EPB41L4A: variants seen among roughly 807,000 people sequenced by gnomAD.
EPB41L4A encodes band 4.1-like protein 4A.
EPB41L4A carries 100 observed loss-of-function variants against 108.6 expected under a neutral mutation model. That is an observed-to-expected ratio of 0.92 (90% CI 0.78 to 1.09). EPB41L4A has a LOEUF of 1.09. Among genes scored for constraint, EPB41L4A ranks in the 50% least tolerant of loss-of-function variants. The probability of loss-of-function intolerance (pLI) is 0.00; values close to 1 mark genes in which losing one functional copy is unlikely to be tolerated. For missense variants in EPB41L4A, 1,030 were observed against 842.7 expected (o/e 1.22, Z -2.75); for synonymous variants, 319 against 289.0 (o/e 1.10, Z -1.05).
At chr5:112,375,463 A>C (rs1759761356) in intron 1 of EPB41L4A, among the ~76,000 whole-genome samples, 1 of 152,188 alleles carries the variant, frequency 6.6e-6, no homozygotes, top group Non-Finnish European at 1.5e-5. Context: ...GAAAAAAATC[A>C]CACCAAGAAC....
rs145454409 is a variant in EPB41L4A at position 112,201,973 on chromosome 5, G to A, written c.1376+2402C>T. Among the ~76,000 whole-genome samples the A allele has an allele frequency of 2.8e-3, 425 of 152,212 alleles. 3 individuals carry two copies. Among genetic ancestry groups the A allele is most frequent in the African/African-American group, 9.5e-3 (395 of 41,540 alleles). ...GCTGAATATTTTTCATTGGTACTCA[G>A]CCTCTACTGACTCATCTATAATCTA... On this transcript the variant is annotated intron_variant, in intron 15 of 22. Transcript: ENST00000261486.
At position 112,238,280 on chromosome 5, in the gene EPB41L4A, C is replaced by G. The variant is rs562714329; in HGVS notation, c.965+1380G>C. 4.6e-5 allele frequency among the ~76,000 whole-genome samples: 7 copies of G among 152,256 alleles called. No individual in the cohort carries two copies. In the East Asian group the frequency reaches 1.3e-3, roughly 29 times the overall value. On this transcript the variant is annotated intron_variant, in intron 11 of 22. Coordinates refer to ENST00000261486, the MANE Select transcript of EPB41L4A (RefSeq NM_022140.5). The stretch of plus-strand genomic sequence containing the variant: ...AATGTAAACAATACTTCCTTAAATT[C>G]TTCATAATTGTATCACTGTCTACAG...
chr5:112,209,554 CTTTA>C lies in EPB41L4A; in HGVS notation c.1178+334_1178+337del, dbSNP rs535256130. Among the ~76,000 whole-genome samples the C allele has an allele frequency of 2.9e-3, 447 of 152,344 alleles. 2 individuals are homozygous for C. Among genetic ancestry groups the C allele is most frequent in the Middle Eastern group, 6.8e-3 (2 of 294 alleles). ...GTACATTAAACATGAATATCATCTA[CTTTA>C]TTTTACAAGTCCCTCTGAGTTAGTC... is the stretch of plus-strand genomic sequence containing the variant. On this transcript the variant is annotated intron_variant, in intron 13 of 22. Coordinates refer to ENST00000261486, the MANE Select transcript of EPB41L4A (RefSeq NM_022140.5).
intron 12 of EPB41L4A, among the ~76,000 whole-genome samples, chr5:112,234,316 A>G (rs1313970889): frequency 2.0e-5 from 3 of 151,872 alleles, no homozygotes; most frequent in African/African-American, 7.2e-5. Context: ...CAGGAGGTCA[A>G]GGCAGCAGTG....
intron 13 of EPB41L4A, among the ~76,000 whole-genome samples, chr5:112,206,602 G>T (rs1481415408): frequency 1.3e-5 from 2 of 152,160 alleles, no homozygotes; most frequent in East Asian, 1.9e-4. Flanking sequence ...AGTAGAAAGT[G>T]TATGGGATCA....
intron 12 of EPB41L4A, among the ~76,000 whole-genome samples, chr5:112,150,662 T>C (rs1052102808): frequency 2.0e-5 from 3 of 152,106 alleles, no homozygotes; most frequent in African/African-American, 7.2e-5. Context: ...AAAATTCAGA[T>C]CATCCAAGAA....
chr5:112,311,779 T>C (rs1350649594), intron 1 of EPB41L4A, among the ~76,000 whole-genome samples: 1 of 152,202 alleles, frequency 6.6e-6, no homozygotes, highest in Non-Finnish European at 1.5e-5. Context: ...ACACACACCT[T>C]TCCTCTTACT....
intron 1 of EPB41L4A, among the ~76,000 whole-genome samples, chr5:112,366,267 A>T (rs1759113565): frequency 6.6e-6 from 1 of 150,686 alleles, no homozygotes; most frequent in Admixed American, 6.6e-5. Context: ...ATACTTGCCC[A>T]TGTTTGTAAA....
chr5:112,148,515 T>G (rs60370278), intron 12 of EPB41L4A, among the ~76,000 whole-genome samples: 16,819 of 152,058 alleles, frequency 0.11, 1,058 homozygotes, highest in Non-Finnish European at 0.15. Context: ...ATTTTTTTAT[T>G]TATTTTTTAA....
At position 112,152,309 on chromosome 5, in the gene EPB41L4A, G is replaced by T. The variant is rs116691991; in HGVS notation, n.994+6092C>A. Among the ~76,000 whole-genome samples the T allele has an allele frequency of 1.9e-3, 285 of 152,224 alleles. 1 individual carries two copies. Among genetic ancestry groups the T allele is most frequent in the African/African-American group, 6.3e-3 (262 of 41,540 alleles). ...AATAAAAGTGAACCAAATATTCTAA[G>T]TAAAAGATTATAAAACAGAATCTTT... is the stretch of plus-strand genomic sequence containing the variant. On this transcript the variant is annotated intron_variant and non_coding_transcript_variant, in intron 12 of 13. Transcript: ENST00000507810.
chr5:112,368,166 T>C (rs1759256525), intron 1 of EPB41L4A, among the ~76,000 whole-genome samples: 1 of 152,210 alleles, frequency 6.6e-6, no homozygotes, highest in African/African-American at 2.4e-5. Context: ...CTCAACTTAT[T>C]ATCTTTAAAG....
chr5:112,184,269 T>G, intron 17 of EPB41L4A, 134 bp from the exon 18 acceptor site: 4 of 952,896 alleles, frequency 4.2e-6, no homozygotes, highest in Non-Finnish European at 6.2e-6. Flanking sequence ...AAGATGCATA[T>G]TAACTGAATT....
chr5:112,418,180 C>A (rs540446758), intron 1 of EPB41L4A, among the ~76,000 whole-genome samples: 14 of 152,334 alleles, frequency 9.2e-5, no homozygotes, highest in Admixed American at 9.1e-4. Flanking sequence ...AGGTAGTTAA[C>A]ACTGTTGCAA....
chr5:112,277,344 A>C (rs945683299), intron 3 of EPB41L4A, among the ~76,000 whole-genome samples: 3 of 152,240 alleles, frequency 2.0e-5, no homozygotes, highest in Non-Finnish European at 4.4e-5. Context: ...ATGAACAGTT[A>C]AGCAAAAATG....
At chr5:112,312,818 G>T (rs1312250671) in intron 1 of EPB41L4A, among the ~76,000 whole-genome samples, 1 of 152,046 alleles carries the variant, frequency 6.6e-6, no homozygotes, top group African/African-American at 2.4e-5. Flanking sequence ...TGGGTACTTT[G>T]TAGAGACCAC....
intron 1 of EPB41L4A, among the ~76,000 whole-genome samples, chr5:112,339,962 C>A (rs1229268817): frequency 6.6e-6 from 1 of 152,126 alleles, no homozygotes; most frequent in East Asian, 1.9e-4. Flanking sequence ...AGGGCCTAGA[C>A]TAGTTAATCA....
chr5:112,357,538 G>T (rs527586759), intron 1 of EPB41L4A, among the ~76,000 whole-genome samples: 129 of 152,312 alleles, frequency 8.5e-4, no homozygotes, highest in African/African-American at 3.0e-3. Context: ...CTTGGGCCCG[G>T]TTTAGAGAAG....
chr5:112,353,062 A>G (rs1758145132), intron 1 of EPB41L4A, among the ~76,000 whole-genome samples: 1 of 152,216 alleles, frequency 6.6e-6, no homozygotes, highest in South Asian at 2.1e-4. Context: ...ACAGCAGTGT[A>G]GTGCCCATAT....
chr5:112,271,419 A>T (rs1752256726), intron 4 of EPB41L4A, among the ~76,000 whole-genome samples: 1 of 152,206 alleles, frequency 6.6e-6, no homozygotes, highest in Admixed American at 6.5e-5. Context: ...TTGCAAGTAC[A>T]CTCTTACATA....
Sources: gnomAD v4.1 joint callset for allele counts (sites outside exome capture counted in the v4.1 genomes callset) on GRCh38, gnomAD v4.1.1 for gene constraint, MANE v1.5 for transcripts, NCBI Gene and HGNC (gene_info 2026-07-23, HGNC 2026-07-21) for gene names.